CLOCK: variants seen among roughly 807,000 people sequenced by gnomAD.
CLOCK encodes the protein circadian locomoter output cycles protein kaput.
Under a neutral mutation model 118.4 loss-of-function variants are expected in CLOCK, and 43 were observed. The ratio of observed to expected loss-of-function variants is 0.36; its 90% CI spans 0.28 to 0.47. The LOEUF (loss-of-function observed/expected upper bound fraction) is 0.47. Ranked by LOEUF, CLOCK falls within the 20% of genes least tolerant of loss-of-function variation. CLOCK has a pLI of 1.00. For synonymous variants in CLOCK, 326 were observed against 339.2 expected, an observed-to-expected ratio of 0.96 and a Z score of 0.43; for missense variants, 846 against 999.9, an observed-to-expected ratio of 0.85 and a Z score of 2.08.
chr4:55,478,747 A>C, intron 6 of CLOCK, 68 bp downstream of exon 6: 2 of 1,482,244 alleles, frequency 1.3e-6, no homozygotes, highest in Non-Finnish European at 1.9e-6. Flanking sequence ...TCCAATCTTA[A>C]GCATCTCTGC....
intron 11 of CLOCK, among the ~76,000 whole-genome samples, chr4:55,457,717 C>T (rs994211670): frequency 5.9e-5 from 9 of 152,150 alleles, no homozygotes; most frequent in African/African-American, 2.2e-4. Context: ...TTCCATCCTG[C>T]CTCTGTGTCC....
chr4:55,507,426 A>G (rs953732499), intron 2 of CLOCK, among the ~76,000 whole-genome samples: 1 of 152,082 alleles, frequency 6.6e-6, no homozygotes, highest in African/African-American at 2.4e-5. Flanking sequence ...CAGCCTGTCC[A>G]ACATGGCAAA....
chr4:55,488,934 T>C (rs554633380), intron 3 of CLOCK, among the ~76,000 whole-genome samples: 4 of 152,262 alleles, frequency 2.6e-5, no homozygotes, highest in Non-Finnish European at 5.9e-5. Flanking sequence ...GGTCTCACTA[T>C]GTTGCCCAGG....
intron 18 of CLOCK, 75 bp from the exon 19 acceptor site, chr4:55,444,860 G>T: frequency 6.9e-7 from 1 of 1,455,226 alleles, no homozygotes; most frequent in Non-Finnish European, 9.4e-7. Flanking sequence ...AACATGAAAA[G>T]TAAGCAGTAT....
chr4:55,544,154 A>G (rs1306902069), intron 1 of CLOCK, among the ~76,000 whole-genome samples: 1 of 107,104 alleles, frequency 9.3e-6, no homozygotes, highest in Non-Finnish European at 1.9e-5. Flanking sequence ...CACTTTCATG[A>G]GAAACAACCA....
chr4:55,462,378 C>T (rs924477020), intron 9 of CLOCK, among the ~76,000 whole-genome samples: 4 of 152,132 alleles, frequency 2.6e-5, no homozygotes, highest in East Asian at 3.9e-4. Context: ...ACTCAGCCTC[C>T]GGGGTTCAAG....
chr4:55,533,584 T>C (rs750160802), intron 1 of CLOCK, among the ~76,000 whole-genome samples: 4 of 152,202 alleles, frequency 2.6e-5, no homozygotes, highest in Non-Finnish European at 4.4e-5. Flanking sequence ...ACTAAAGATT[T>C]TTGGGATTGT....
At chr4:55,518,205 G>T (rs985479181) in intron 1 of CLOCK, among the ~76,000 whole-genome samples, 3 of 152,118 alleles carry the variant, frequency 2.0e-5, no homozygotes, top group Non-Finnish European at 4.4e-5. Context: ...GATATGAAGA[G>T]AAAGTTAAAT....
At chr4:55,468,870 T>C (rs1274260204) in intron 8 of CLOCK, among the ~76,000 whole-genome samples, 1 of 152,194 alleles carries the variant, frequency 6.6e-6, no homozygotes, top group Non-Finnish European at 1.5e-5. Flanking sequence ...CCGGTGGCCC[T>C]AAGATTACAG....
chr4:55,441,633 G>C (rs1560414545), intron 21 of CLOCK, among the ~76,000 whole-genome samples: 1 of 152,174 alleles, frequency 6.6e-6, no homozygotes, highest in Admixed American at 6.5e-5. Flanking sequence ...CTCAGGAATG[G>C]AAAACCAAAC....
Position 55,435,333 on chromosome 4 carries a change from C to A in CLOCK, c.*82G>T. The A allele has an allele frequency of 6.5e-7, 1 of 1,528,328 alleles. No individual in the cohort carries two copies. Among genetic ancestry groups the A allele is most frequent in the Non-Finnish European group, 9.1e-7 (1 of 1,104,752 alleles). 94.7% of individuals were successfully genotyped at this position (1,528,328 alleles called of 1,614,324 possible). Reference sequence around the variant, plus strand: ...CATCTCATGAAACTGCTGGAACTTTCCCTCCTTTCCTCAGGTCATCTGAGT... The same window carrying A: ...CATCTCATGAAACTGCTGGAACTTTACCTCCTTTCCTCAGGTCATCTGAGT... On this transcript the variant is annotated 3_prime_UTR_variant, in exon 23 of 23. Coordinates refer to ENST00000513440, the MANE Select transcript of CLOCK (RefSeq NM_004898.4).
chr4:55,532,757 G>A (rs1730634960), intron 1 of CLOCK, among the ~76,000 whole-genome samples: 1 of 151,966 alleles, frequency 6.6e-6, no homozygotes, highest in Non-Finnish European at 1.5e-5. Flanking sequence ...TGAGGTAGGA[G>A]GATCATTTGA....
chr4:55,504,213 G>A (rs1359948594), intron 2 of CLOCK, among the ~76,000 whole-genome samples: 1 of 146,954 alleles, frequency 6.8e-6, no homozygotes, highest in Non-Finnish European at 1.5e-5. Context: ...GTGAACCCGA[G>A]AGGTGGAGCT....
chr4:55,460,377 G>A (rs192578195), intron 9 of CLOCK, among the ~76,000 whole-genome samples: 44 of 152,244 alleles, frequency 2.9e-4, no homozygotes, highest in African/African-American at 9.9e-4. Flanking sequence ...CAGGACATTC[G>A]AACTTGATTG....
At chr4:55,537,201 G>A (rs986290783) in intron 1 of CLOCK, among the ~76,000 whole-genome samples, 3 of 152,076 alleles carry the variant, frequency 2.0e-5, no homozygotes, top group South Asian at 2.1e-4. Context: ...AACTGGAAAC[G>A]GCCAGGAGTG....
chr4:55,439,324 A>G (rs1577671682), intron 21 of CLOCK, among the ~76,000 whole-genome samples: 2 of 152,300 alleles, frequency 1.3e-5, no homozygotes, highest in East Asian at 3.9e-4. Flanking sequence ...GCTACTTTAT[A>G]CCCATCAGGA....
intron 1 of CLOCK, among the ~76,000 whole-genome samples, chr4:55,530,668 C>A (rs1422979054): frequency 6.9e-6 from 1 of 144,958 alleles, no homozygotes; most frequent in Non-Finnish European, 1.5e-5. Context: ...CCATCTACTG[C>A]GGAGGTTGAA....
chr4:55,448,747 A>G (rs1724159402), intron 18 of CLOCK, 32 bp downstream of exon 18: 1 of 1,549,148 alleles, frequency 6.5e-7, no homozygotes, highest in Non-Finnish European at 8.9e-7. Context: ...ATCATATTCA[A>G]ATACGCAACT....
rs754360077 is a variant in CLOCK at position 55,450,244 on chromosome 4, G to GAGCCA, written c.1207-13_1207-12insTGGCT. ...CCAGAATCTTGGCTCTATGGAGACA[G>GAGCCA]AGTAAAATAAATGTTTTCTTGTGGT... On this transcript the variant is annotated splice_polypyrimidine_tract_variant and intron_variant, in intron 15 of 22. Coordinates refer to ENST00000513440, the MANE Select transcript of CLOCK (RefSeq NM_004898.4). 4.2e-5 allele frequency: 68 copies of GAGCCA among 1,613,718 alleles called. No individual in the cohort carries two copies. In the African/African-American group the frequency reaches 8.8e-4, roughly 21 times the overall value.
Sources: allele counts gnomAD v4.1 joint callset (sites outside exome capture counted in the v4.1 genomes callset), GRCh38; gene constraint gnomAD v4.1.1; transcripts MANE v1.5; gene names NCBI Gene and HGNC (gene_info 2026-07-23, HGNC 2026-07-21).